The following ZBTB21 variants were observed in gnomAD, a reference collection of about 807,000 sequenced individuals.
ZBTB21 encodes the protein zinc finger and BTB domain containing 21, also known as zinc finger and BTB domain-containing protein 21.
In ZBTB21, 10 loss-of-function variants were observed where a neutral mutation model predicts 39.8. That is an observed-to-expected ratio of 0.25 (90% confidence interval 0.16 to 0.43). The LOEUF (loss-of-function observed/expected upper bound fraction) is 0.43. Ranked by LOEUF, ZBTB21 falls within the 20% of genes least tolerant of loss-of-function variation. The probability of loss-of-function intolerance (pLI) is 1.00; values close to 1 mark genes in which losing one functional copy is unlikely to be tolerated. For synonymous variants in ZBTB21, 551 were observed against 498.8 expected (o/e 1.10, Z -1.40); for missense variants, 1,221 against 1,296.3 (o/e 0.94, Z 0.89).
At chr21:42,004,807 T>C (rs746811546) in intron 1 of ZBTB21, among the ~76,000 whole-genome samples, 5 of 152,222 alleles carry the variant, frequency 3.3e-5, no homozygotes, top group Non-Finnish European at 7.3e-5. Context: ...CATTTGACTT[T>C]GGAACATAAA....
chr21:41,989,091 A>C lies in ZBTB21; in HGVS notation c.*1804T>G, dbSNP rs991031517. 3.3e-5 allele frequency: 5 copies of C among 152,324 alleles called. No homozygotes were observed. The highest frequency in any genetic ancestry group is 9.6e-5 in the African/African-American group (4 of 41,588). The allele number at this position is 152,324 out of a possible 1,614,324, so 9.4% of individuals were successfully genotyped here. On this transcript the variant is annotated 3_prime_UTR_variant, in exon 3 of 3. Transcript: ENST00000310826. ...TGCATAGATTTCTTTAAGAAAACAAAGATGGCAAGAATCAATAACTGCAAT... is the reference window on the plus strand; with the variant it reads ...TGCATAGATTTCTTTAAGAAAACAACGATGGCAAGAATCAATAACTGCAAT...
intron 2 of ZBTB21, among the ~76,000 whole-genome samples, chr21:41,994,345 CA>C (rs2065717397): frequency 6.6e-6 from 1 of 152,046 alleles, no homozygotes; most frequent in Non-Finnish European, 1.5e-5. Flanking sequence ...ATAATATAGG[CA>C]TTTGTATATC....
At chr21:41,997,627 TGAA>T (rs1296641228) in intron 2 of ZBTB21, among the ~76,000 whole-genome samples, 1 of 152,014 alleles carries the variant, frequency 6.6e-6, no homozygotes, top group African/African-American at 2.4e-5. Flanking sequence ...TTAGAAGTGT[TGAA>T]GAATAAGTTT....
In ZBTB21 at chr21:41,992,584, A is replaced by G. The variant is rs760694826; in HGVS notation, c.1512T>C (p.Ser504=). 4 of 1,614,214 alleles carry G rather than the reference A, an allele frequency of 2.5e-6. No homozygotes were observed. Among genetic ancestry groups the G allele is most frequent in the Non-Finnish European group, 3.4e-6 (4 of 1,180,030 alleles). ...FKKLKVNEHG[S]PVSEDNFEEG... is the part of the protein sequence containing the mutation. ...CCTCAAAATTATCTTCTGACACAGG[A>G]GACCCGTGCTCATTCACCTTTAACT... The change falls in exon 3 of 3, where the codon TCT becomes TCC. Residue 504 remains serine (S), a synonymous_variant. Transcript: ENST00000310826. This position sits in a 1 kb window ranked among gnomAD's most constrained non-coding sequence, Gnocchi z 4.1.
Position 41,992,638 on chromosome 21 carries a change from G to C in ZBTB21, c.1458C>G (p.Phe486Leu). 1 of 1,614,072 alleles carries C rather than the reference G, an allele frequency of 6.2e-7. No individual in the cohort carries two copies. The highest frequency in any genetic ancestry group is 8.5e-7 in the Non-Finnish European group (1 of 1,179,992). Residue 486 changes from phenylalanine (F) to leucine (L), a missense_variant, in exon 3 of 3, where the codon TTC becomes TTG. Phe to Leu is a conservative substitution (Grantham distance 22). Around this residue, in one of 4 missense-constraint regions of ZBTB21, gnomAD observed 500 missense variants for 465.6 expected, o/e 1.07. Transcript: ENST00000310826. The surrounding 1 kb of genome is among the most constrained non-coding windows in gnomAD (Gnocchi z 4.1). ...DMSRLPAKRR[F>L]QADRRLPFKK... ...TAAACGGCAATCTTCGGTCCGCTTG[G>C]AACCTCCTTTTTGCTGGGAGTCTGC...
chr21:42,002,165 CAG>C (rs2065825815), intron 2 of ZBTB21, among the ~76,000 whole-genome samples: 1 of 152,180 alleles, frequency 6.6e-6, no homozygotes, highest in Admixed American at 6.5e-5. Flanking sequence ...AGATAGGAGA[CAG>C]GGGTAGCTAG....
At chr21:42,007,491 C>G (rs1422450211) in intron 1 of ZBTB21, among the ~76,000 whole-genome samples, 1 of 152,172 alleles carries the variant, frequency 6.6e-6, no homozygotes, top group African/African-American at 2.4e-5. Flanking sequence ...CTCTGCCACC[C>G]AAAATCTCTC....
At chr21:42,004,161 G>A (rs2065850700) in intron 1 of ZBTB21, among the ~76,000 whole-genome samples, 1 of 151,976 alleles carries the variant, frequency 6.6e-6, no homozygotes, top group Admixed American at 6.6e-5. Flanking sequence ...CACCAGGACT[G>A]GCTAATTTTT....
rs533820608 is a variant in ZBTB21, at chr21:41,992,271, T to C, written c.1825A>G (p.Ser609Gly). The C allele has an allele frequency of 6.3e-5, 101 of 1,614,220 alleles. No individual in the cohort carries two copies. The South Asian group carries it at 1.0e-3, about 16-fold the overall frequency. ...TTTTCATCCAAAACAGCATGTGAAC[T>C]AGAGGCTGGTGATGGGTTCTTCACT... ...GIVKNPSPASSSHAVLDEKFQ... is the reference protein window; with the variant it reads ...GIVKNPSPASGSHAVLDEKFQ... The change falls in exon 3 of 3, where the codon AGT becomes GGT. Residue 609 changes from serine to glycine, a missense_variant. By Grantham distance (56) the Ser-to-Gly change is moderately conservative (BLOSUM62 0). This residue lies in a region of ZBTB21 where 90 missense variants were observed against 133.1 expected (regional missense o/e 0.68). Coordinates refer to ENST00000310826, the MANE Select transcript of ZBTB21 (RefSeq NM_001098402.2). This position sits in a 1 kb window ranked among gnomAD's most constrained non-coding sequence, Gnocchi z 4.1.
Position 41,993,820 on chromosome 21 carries a change from TAG to T in ZBTB21, c.274_275del (p.Leu92IlefsTer3). On this transcript the variant is annotated frameshift_variant, in exon 3 of 3. Coordinates refer to ENST00000310826, the MANE Select transcript of ZBTB21 (RefSeq NM_001098402.2). LOFTEE classifies it low-confidence loss of function (END_TRUNC). ...NVLNYIYSSSLFVEKSSLAAV... is the reference protein window; with the variant it reads ...NVLNYIYSSSXFVEKSSLAAV... The stretch of plus-strand genomic sequence containing the variant: ...CAGCAAGGCTGCTCTTCTCAACAAA[TAG>T]AGAGGAAGAATAAATGTAGTTTAAA... 1 of 1,614,178 alleles carries T rather than the reference TAG, an allele frequency of 6.2e-7. No homozygotes were observed. The highest frequency in any genetic ancestry group is 8.5e-7 in the Non-Finnish European group (1 of 1,180,028).
chr21:42,004,277 G>C (rs1434160764), intron 1 of ZBTB21, among the ~76,000 whole-genome samples: 2 of 152,122 alleles, frequency 1.3e-5, no homozygotes, highest in Non-Finnish European at 2.9e-5. Flanking sequence ...TGGGATTACA[G>C]GCCAGCCACC....
Position 41,993,444 on chromosome 21 carries a change from T to G in ZBTB21, c.652A>C (p.Lys218Gln), listed in dbSNP as rs871546. 0.25 allele frequency: 399,899 copies of G among 1,613,942 alleles called. 52,019 individuals carry two copies. The highest frequency in any genetic ancestry group is 0.27 in the Non-Finnish European group (315,297 of 1,179,936). Residue 218 changes from lysine to glutamine, a missense_variant, in exon 3 of 3, where the codon AAG becomes CAG. Coordinates refer to ENST00000310826, the MANE Select transcript of ZBTB21 (RefSeq NM_001098402.2). ...WPKDSSVVYA[K>Q]SLEHSGSLDD... ...AAAGATCCAGAATGCTCAAGAGACT[T>G]TGCATATACCACAGAACTATCTTTC...
At chr21:42,001,458 AG>A (rs1248514959) in intron 2 of ZBTB21, among the ~76,000 whole-genome samples, 1 of 152,240 alleles carries the variant, frequency 6.6e-6, no homozygotes, top group Admixed American at 6.5e-5. Context: ...GGTCTTGTGC[AG>A]GAAGAGAACA....
chr21:41,991,812 G>A lies in ZBTB21; in HGVS notation c.2284C>T (p.Leu762=). The stretch of plus-strand genomic sequence containing the variant: ...CACTTGCTCTCGTGTTCTTGCTTCA[G>A]CTCGGGCGAGAAAAACCTGAGGCTG... ...YCSLRFFSPE[L]KQEHESKCEY... Residue 762 remains leucine, a synonymous_variant, in exon 3 of 3, where the codon CTG becomes TTG. Coordinates refer to ENST00000310826, the MANE Select transcript of ZBTB21 (RefSeq NM_001098402.2). The surrounding 1 kb of genome is among the most constrained non-coding windows in gnomAD (Gnocchi z 4.9). The A allele has an allele frequency of 1.2e-6, 2 of 1,614,190 alleles. No homozygotes were observed. Among genetic ancestry groups the A allele is most frequent in the Non-Finnish European group, 1.7e-6 (2 of 1,180,040 alleles).
Position 41,990,873 on chromosome 21 carries a change from A to G in ZBTB21, c.*22T>C. The G allele has an allele frequency of 7.0e-7, 1 of 1,425,106 alleles. No homozygotes were observed. The highest frequency in any genetic ancestry group is 2.7e-5 in the Admixed American group (1 of 36,970). The allele number at this position is 1,425,106 out of a possible 1,614,324, so 88.3% of individuals were successfully genotyped here. A position where few individuals can be genotyped will look rare whatever the true frequency, so the allele number is the denominator to read the frequency against. On this transcript the variant is annotated 3_prime_UTR_variant, in exon 3 of 3. Coordinates refer to ENST00000310826, the MANE Select transcript of ZBTB21 (RefSeq NM_001098402.2). ...GGTTGAAATCTGGGGACTGCCTCCC[A>G]TAGGTAAAAAGTGTTGGTCTTTCAA...
Position 41,990,880 on chromosome 21 carries a change from A to T in ZBTB21, c.*15T>A. 1 of 1,436,934 alleles carries T rather than the reference A, an allele frequency of 7.0e-7. No individual in the cohort carries two copies. Among genetic ancestry groups the T allele is most frequent in the Non-Finnish European group, 9.1e-7 (1 of 1,093,976 alleles). The allele number at this position is 1,436,934 out of a possible 1,614,324, so 89.0% of individuals were successfully genotyped here. The stretch of plus-strand genomic sequence containing the variant: ...ATCTGGGGACTGCCTCCCATAGGTA[A>T]AAAGTGTTGGTCTTTCAATTGTGTG... On this transcript the variant is annotated 3_prime_UTR_variant, in exon 3 of 3. Transcript: ENST00000310826.
chr21:41,991,906 C>A lies in ZBTB21; in HGVS notation c.2190G>T (p.Lys730Asn), dbSNP rs2065664651. 1.2e-6 allele frequency: 2 copies of A among 1,614,184 alleles called. No individual in the cohort carries two copies. Among genetic ancestry groups the A allele is most frequent in the Non-Finnish European group, 1.7e-6 (2 of 1,180,050 alleles). Residue 730 changes from lysine (K) to asparagine (N), a missense_variant, in exon 3 of 3, where the codon AAG becomes AAT. Around this residue, in one of 4 missense-constraint regions of ZBTB21, gnomAD observed 523 missense variants for 542.5 expected, o/e 0.96. Coordinates refer to ENST00000310826, the MANE Select transcript of ZBTB21 (RefSeq NM_001098402.2). The surrounding 1 kb of genome is among the most constrained non-coding windows in gnomAD (Gnocchi z 4.9). ...EVYQCRLCNA[K>N]LSSLLEQGSH... ...TTCCTTGCTCTAGGAGAGAAGAGAG[C>A]TTAGCATTACAGAGGCGGCACTGGT...
At chr21:41,997,861 C>G (rs1382618491) in intron 2 of ZBTB21, among the ~76,000 whole-genome samples, 1 of 151,842 alleles carries the variant, frequency 6.6e-6, no homozygotes, top group African/African-American at 2.4e-5. Flanking sequence ...GGTTGAGATG[C>G]CAGTTCCTTG....
rs569196822 is a variant in ZBTB21 at position 41,988,782 on chromosome 21, CAA to C, written c.*2111_*2112del. ...AATATTTTTTTTTTTTACTGATTAA[CAA>C]TATTATTTTTAAAAAATCTTCGAAA... On this transcript the variant is annotated 3_prime_UTR_variant, in exon 3 of 3. Coordinates refer to ENST00000310826, the MANE Select transcript of ZBTB21 (RefSeq NM_001098402.2). 1.3e-5 allele frequency: 2 copies of C among 151,172 alleles called. No homozygotes were observed. The highest frequency in any genetic ancestry group is 2.1e-4 in the South Asian group (1 of 4,800). 9.4% of individuals were successfully genotyped at this position (151,172 alleles called of 1,614,324 possible). A position where few individuals can be genotyped will look rare whatever the true frequency, so the allele number is the denominator to read the frequency against.
Sources: gnomAD v4.1 joint callset for allele counts (sites outside exome capture counted in the v4.1 genomes callset) on GRCh38, gnomAD v4.1.1 for gene constraint, gnomAD v4.1.1 regional missense constraint, Gnocchi (gnomAD v3.1) non-coding constraint, MANE v1.5 for transcripts, NCBI Gene and HGNC (gene_info 2026-07-23, HGNC 2026-07-21) for gene names.